The following SH3RF3 variants were observed in gnomAD, a reference collection of about 807,000 sequenced individuals.
SH3RF3 encodes the protein E3 ubiquitin-protein ligase SH3RF3.
In SH3RF3, 29 loss-of-function variants were observed where a neutral mutation model predicts 66.3. The observed-to-expected ratio is 0.44, with a 90% CI of 0.33 to 0.60. The LOEUF (loss-of-function observed/expected upper bound fraction) is 0.60, where lower values mean the gene tolerates loss of function less well. SH3RF3 is among the 20% of genes least tolerant of loss of function. The probability of loss-of-function intolerance (pLI) is 0.04; values close to 1 mark genes in which losing one functional copy is unlikely to be tolerated. For missense variants in SH3RF3, 1,194 were observed against 1,190.9 expected (o/e 1.00, Z -0.04); for synonymous variants, 583 against 532.0 (o/e 1.10, Z -1.32).
intron 7 of SH3RF3, 119 bp downstream of exon 7, chr2:109,437,265 A>C: frequency 7.1e-7 from 1 of 1,414,674 alleles, no homozygotes; most frequent in Non-Finnish European, 9.4e-7. Context: ...TGGCAGCTTC[A>C]TGGCAGCTGG....
At chr2:109,454,780 T>A (rs1441943912) in intron 8 of SH3RF3, among the ~76,000 whole-genome samples, 1 of 152,120 alleles carries the variant, frequency 6.6e-6, no homozygotes, top group Non-Finnish European at 1.5e-5. Context: ...TAAAACTTAA[T>A]TCAAAAACAT....
At chr2:109,366,999 G>A (rs1209871129) in intron 2 of SH3RF3, among the ~76,000 whole-genome samples, 1 of 152,160 alleles carries the variant, frequency 6.6e-6, no homozygotes, top group African/African-American at 2.4e-5. Context: ...TCTCGCCCAG[G>A]CTGGAGTGGA....
At chr2:109,429,051 G>A (rs931756671) in intron 5 of SH3RF3, among the ~76,000 whole-genome samples, 11 of 152,190 alleles carry the variant, frequency 7.2e-5, no homozygotes, top group Non-Finnish European at 1.6e-4. Flanking sequence ...TGAGAAACAG[G>A]GTAACAGGCG....
intron 1 of SH3RF3, among the ~76,000 whole-genome samples, chr2:109,269,782 G>A (rs1329854083): frequency 6.6e-6 from 1 of 152,124 alleles, no homozygotes; most frequent in Non-Finnish European, 1.5e-5. Context: ...GAGGGGTGAG[G>A]GGAACTGAAG....
intron 3 of SH3RF3, among the ~76,000 whole-genome samples, chr2:109,372,361 A>G (rs948930784): frequency 6.6e-6 from 1 of 152,196 alleles, no homozygotes; most frequent in Non-Finnish European, 1.5e-5. Context: ...GTATTTGCCT[A>G]TGGCGTGTGT....
intron 1 of SH3RF3, among the ~76,000 whole-genome samples, chr2:109,169,788 A>G (rs1677718263): frequency 2.6e-5 from 4 of 152,060 alleles, no homozygotes; most frequent in Non-Finnish European, 1.5e-5. Context: ...CCCCAAAATC[A>G]AATAGGCTGA....
At chr2:109,266,000 CAT>C (rs2105304186) in intron 1 of SH3RF3, among the ~76,000 whole-genome samples, 1 of 151,990 alleles carries the variant, frequency 6.6e-6, no homozygotes, top group South Asian at 2.1e-4. Context: ...GCATGTGTGT[CAT>C]GTGCATGTGT....
intron 4 of SH3RF3, among the ~76,000 whole-genome samples, chr2:109,406,527 A>C (rs1390448886): frequency 6.6e-6 from 1 of 152,168 alleles, no homozygotes; most frequent in African/African-American, 2.4e-5. Flanking sequence ...TGGCTCTACC[A>C]TCCTCACCTG....
intron 1 of SH3RF3, among the ~76,000 whole-genome samples, chr2:109,161,181 G>A (rs769336268): frequency 1.3e-5 from 2 of 152,154 alleles, no homozygotes; most frequent in Non-Finnish European, 1.5e-5. Flanking sequence ...TGGTTCTTTC[G>A]GAACAATAGT....
chr2:109,388,472 C>G (rs1675886968), intron 3 of SH3RF3, among the ~76,000 whole-genome samples: 1 of 152,226 alleles, frequency 6.6e-6, no homozygotes, highest in South Asian at 2.1e-4. Flanking sequence ...CCACCCTCCC[C>G]AGCCAGGCCC....
chr2:109,450,935 C>A lies in SH3RF3; in HGVS notation c.2148+1446C>A, dbSNP rs953896895. Among the ~76,000 whole-genome samples the A allele has an allele frequency of 2.6e-5, 4 of 152,256 alleles. No individual in the cohort carries two copies. The South Asian group carries it at 8.3e-4, about 31-fold the overall frequency. On this transcript the variant is annotated intron_variant, in intron 8 of 9. Transcript: ENST00000309415. ...CTAGATGGTGTGTTCCAGGCAAGGA[C>A]AGCCTCTCTCTCTTTCTCGAGGACA...
At chr2:109,243,305 C>A (rs1369358456) in intron 1 of SH3RF3, among the ~76,000 whole-genome samples, 1 of 152,262 alleles carries the variant, frequency 6.6e-6, no homozygotes, top group Non-Finnish European at 1.5e-5. Flanking sequence ...GATCCTGAGA[C>A]TCCCGTGTGC....
chr2:109,214,200 C>G (rs1040745166), intron 1 of SH3RF3, among the ~76,000 whole-genome samples: 1 of 152,126 alleles, frequency 6.6e-6, no homozygotes, highest in African/African-American at 2.4e-5. Context: ...CTGGAAGTGA[C>G]TGGAAATAAA....
chr2:109,297,931 TC>T (rs201657769), intron 1 of SH3RF3, among the ~76,000 whole-genome samples: 32 of 149,234 alleles, frequency 2.1e-4, no homozygotes, highest in Admixed American at 1.1e-3. Context: ...AGATGTGTGT[TC>T]CCCCCCCACC....
chr2:109,499,242 G>A (rs1679330591), intron 9 of SH3RF3, among the ~76,000 whole-genome samples: 1 of 152,138 alleles, frequency 6.6e-6, no homozygotes, highest in Non-Finnish European at 1.5e-5. Flanking sequence ...CTGTGGAGAT[G>A]GGTACCCGGG....
chr2:109,303,642 G>A (rs1681524867), intron 1 of SH3RF3, among the ~76,000 whole-genome samples: 1 of 152,330 alleles, frequency 6.6e-6, no homozygotes, highest in East Asian at 1.9e-4. Context: ...AACAGAGCCA[G>A]CTGGCAAGTG....
chr2:109,294,261 C>G (rs1681254712), intron 1 of SH3RF3, among the ~76,000 whole-genome samples: 1 of 152,054 alleles, frequency 6.6e-6, no homozygotes, highest in African/African-American at 2.4e-5. Context: ...CAGTGTCCTG[C>G]CTGTATAAAG....
chr2:109,167,696 C>T (rs565899791), intron 1 of SH3RF3, among the ~76,000 whole-genome samples: 2 of 152,158 alleles, frequency 1.3e-5, no homozygotes, highest in Non-Finnish European at 2.9e-5. Context: ...TTCAGCCTCC[C>T]GAGTAGCTGG....
chr2:109,316,041 C>T (rs1384000141), intron 1 of SH3RF3, among the ~76,000 whole-genome samples: 1 of 152,104 alleles, frequency 6.6e-6, no homozygotes, highest in Non-Finnish European at 1.5e-5. Context: ...TGCAAAGATT[C>T]CCAGTATTTA....
Sources: gnomAD v4.1 joint callset for allele counts (sites outside exome capture counted in the v4.1 genomes callset) on GRCh38, gnomAD v4.1.1 for gene constraint, MANE v1.5 for transcripts, NCBI Gene and HGNC (gene_info 2026-07-23, HGNC 2026-07-21) for gene names.